WWOX: variants seen among roughly 807,000 people sequenced by gnomAD.
WWOX encodes WW domain containing oxidoreductase.
WWOX carries 69 observed loss-of-function variants against 46.2 expected under a neutral mutation model. The ratio of observed to expected loss-of-function variants is 1.49; its 90% CI spans 1.23 to 1.82. The LOEUF (loss-of-function observed/expected upper bound fraction) is 1.82, where lower values mean the gene tolerates loss of function less well. WWOX is among the 40% of genes most tolerant of loss of function. The probability of loss-of-function intolerance (pLI) is 0.00; values close to 1 mark genes in which losing one functional copy is unlikely to be tolerated. For missense variants in WWOX, 919 were observed against 542.6 expected (o/e 1.69, Z -6.89); for synonymous variants, 359 against 202.6 (o/e 1.77, Z -6.56).
intron 8 of WWOX, among the ~76,000 whole-genome samples, chr16:78,884,509 A>C (rs143832180): frequency 1.0e-3 from 152 of 152,316 alleles, no homozygotes; most frequent in African/African-American, 3.2e-3. Flanking sequence ...ACTACTCACC[A>C]ACAAGAATGA....
chr16:78,159,300 G>C (rs1267007290), intron 4 of WWOX, among the ~76,000 whole-genome samples: 2 of 152,110 alleles, frequency 1.3e-5, no homozygotes, highest in Non-Finnish European at 2.9e-5. Flanking sequence ...ATCCTGATTT[G>C]AGTTCCTTTG....
chr16:79,136,212 T>G (rs961889336), intron 8 of WWOX, among the ~76,000 whole-genome samples: 2 of 151,582 alleles, frequency 1.3e-5, no homozygotes, highest in African/African-American at 4.8e-5. Flanking sequence ...AAGGTGCAAC[T>G]GGCATACTGA....
At chr16:79,011,804 A>G (rs1323375580) in intron 8 of WWOX, among the ~76,000 whole-genome samples, 2 of 151,904 alleles carry the variant, frequency 1.3e-5, no homozygotes, top group Non-Finnish European at 2.9e-5. Context: ...CCTTTTTTAA[A>G]AAACAAAAAA....
intron 8 of WWOX, among the ~76,000 whole-genome samples, chr16:79,135,520 A>G (rs2042414): frequency 0.21 from 32,532 of 152,170 alleles, 4,265 homozygotes; most frequent in African/African-American, 0.36. Flanking sequence ...TAATCTTTGC[A>G]TATTATAAGT....
chr16:78,802,130 A>G (rs2050906423), intron 8 of WWOX, among the ~76,000 whole-genome samples: 1 of 151,672 alleles, frequency 6.6e-6, no homozygotes, highest in South Asian at 2.1e-4. Context: ...CTCTTAGATC[A>G]GACGTGCTTT....
chr16:78,693,230 T>G (rs1278002246), intron 8 of WWOX, among the ~76,000 whole-genome samples: 1 of 152,204 alleles, frequency 6.6e-6, no homozygotes, highest in Non-Finnish European at 1.5e-5. Context: ...GGGCATTGTT[T>G]ATCTCCACCT....
chr16:78,750,735 A>G (rs192141858), intron 8 of WWOX, among the ~76,000 whole-genome samples: 1 of 152,268 alleles, frequency 6.6e-6, no homozygotes, highest in Admixed American at 6.5e-5. Flanking sequence ...GTAAGTAAGA[A>G]CATGCGGTAT....
intron 8 of WWOX, among the ~76,000 whole-genome samples, chr16:78,641,324 A>C (rs2046705377): frequency 6.6e-6 from 1 of 152,018 alleles, no homozygotes; most frequent in Non-Finnish European, 1.5e-5. Context: ...CATCCTGGAG[A>C]GAAAAAGCCT....
intron 8 of WWOX, among the ~76,000 whole-genome samples, chr16:78,946,552 T>G (rs1014118031): frequency 6.6e-6 from 1 of 152,014 alleles, no homozygotes; most frequent in Non-Finnish European, 1.5e-5. Context: ...ACCAAACCAG[T>G]CTTTCCGCTT....
intron 8 of WWOX, among the ~76,000 whole-genome samples, chr16:78,740,585 C>T (rs182724012): frequency 6.6e-6 from 1 of 152,190 alleles, no homozygotes; most frequent in Non-Finnish European, 1.5e-5. Context: ...AGAGAGCACT[C>T]GTCTTTCAGG....
intron 8 of WWOX, among the ~76,000 whole-genome samples, chr16:79,200,844 G>A (rs765966539): frequency 6.6e-6 from 1 of 152,178 alleles, no homozygotes; most frequent in Non-Finnish European, 1.5e-5. Context: ...CCAGGTGACA[G>A]GCGAGTCTCT....
chr16:78,741,131 C>G (rs1228086352), intron 8 of WWOX, among the ~76,000 whole-genome samples: 1 of 152,148 alleles, frequency 6.6e-6, no homozygotes, highest in Non-Finnish European at 1.5e-5. Context: ...CTGCCTAGCG[C>G]CACTTCACAC....
At chr16:78,922,061 T>C (rs2045391517) in intron 8 of WWOX, among the ~76,000 whole-genome samples, 1 of 152,194 alleles carries the variant, frequency 6.6e-6, no homozygotes, top group Non-Finnish European at 1.5e-5. Context: ...GCAGTATGCA[T>C]GGAATATTGT....
intron 4 of WWOX, among the ~76,000 whole-genome samples, chr16:78,116,286 TC>T (rs1358268333): frequency 6.6e-6 from 1 of 152,220 alleles, no homozygotes; most frequent in Non-Finnish European, 1.5e-5. Context: ...CATCTGCACT[TC>T]TTTCTTAATT....
At chr16:78,678,121 G>A (rs907718776) in intron 8 of WWOX, among the ~76,000 whole-genome samples, 42 of 152,228 alleles carry the variant, frequency 2.8e-4, no homozygotes, top group African/African-American at 9.6e-4. Flanking sequence ...ACTGGAGAGT[G>A]AATGAAGGCT....
chr16:79,111,240 C>G lies in WWOX; in HGVS notation c.1057-100368C>G, dbSNP rs138916018. 2.9e-3 allele frequency among the ~76,000 whole-genome samples: 446 copies of G among 152,310 alleles called. 1 individual carries two copies. The highest frequency in any genetic ancestry group is 4.5e-3 in the Non-Finnish European group (309 of 68,034). On this transcript the variant is annotated intron_variant, in intron 8 of 8. Transcript: ENST00000566780. Reference sequence around the variant, plus strand: ...AAGGGCTCATGATTTGTAAGCAGTTCAGGCACTGAGACCCGGGACACAGGT... The same window carrying G: ...AAGGGCTCATGATTTGTAAGCAGTTGAGGCACTGAGACCCGGGACACAGGT...
intron 8 of WWOX, among the ~76,000 whole-genome samples, chr16:78,660,317 C>A (rs1313846208): frequency 1.3e-5 from 2 of 152,266 alleles, no homozygotes; most frequent in East Asian, 3.9e-4. Flanking sequence ...TCCCTCTTCC[C>A]TGGCAGACAG....
intron 8 of WWOX, among the ~76,000 whole-genome samples, chr16:78,457,871 G>A (rs757326887): frequency 1.6e-4 from 23 of 140,290 alleles, no homozygotes; most frequent in Non-Finnish European, 3.0e-4. Flanking sequence ...AGCCAAGATC[G>A]CCCTACTGCA....
chr16:78,538,598 C>T (rs1411389880), intron 8 of WWOX, among the ~76,000 whole-genome samples: 1 of 152,194 alleles, frequency 6.6e-6, no homozygotes, highest in Admixed American at 6.5e-5. Context: ...GAGAATTGCT[C>T]AAGCTGCAGT....
Sources: gnomAD v4.1 joint callset for allele counts (sites outside exome capture counted in the v4.1 genomes callset) on GRCh38, gnomAD v4.1.1 for gene constraint, MANE v1.5 for transcripts, NCBI Gene and HGNC (gene_info 2026-07-23, HGNC 2026-07-21) for gene names.